Variants in CFAP99 observed in about 807,000 individuals in gnomAD.
CFAP99 encodes cilia- and flagella-associated protein 99.
CFAP99 carries 84 observed loss-of-function variants against 82.7 expected under a neutral mutation model. The observed-to-expected ratio is 1.02, with a 90% CI of 0.85 to 1.22. The LOEUF is 1.22. Ranked by LOEUF, CFAP99 falls within the 50% of genes most tolerant of loss-of-function variation. The probability of loss-of-function intolerance (pLI) is 0.00; values close to 1 mark genes in which losing one functional copy is unlikely to be tolerated. For synonymous variants in CFAP99, 456 were observed against 429.5 expected (o/e 1.06, Z -0.76); for missense variants, 1,059 against 983.5 (o/e 1.08, Z -1.03).
intron 1 of CFAP99, among the ~76,000 whole-genome samples, chr4:2,425,478 T>G (rs34474171): frequency 0.12 from 18,598 of 152,098 alleles, 1,237 homozygotes; most frequent in Non-Finnish European, 0.15. Flanking sequence ...GTCTGGGGAC[T>G]GCTACCTGGG....
intron 6 of CFAP99, among the ~76,000 whole-genome samples, chr4:2,447,920 A>G (rs77971898): frequency 4.6e-4 from 41 of 89,892 alleles, no homozygotes; most frequent in Middle Eastern, 6.3e-3. Flanking sequence ...TGGGTGAATG[A>G]ATGGATGGGT....
intron 3 of CFAP99, 61 bp downstream of exon 3, chr4:2,437,079 G>A (rs547069107): frequency 1.2e-4 from 188 of 1,525,328 alleles, no homozygotes; most frequent in African/African-American, 1.5e-4. Context: ...GGCTCTCTGC[G>A]GAAAGGCCTG....
At chr4:2,430,660 A>C (rs746552069) in intron 2 of CFAP99, among the ~76,000 whole-genome samples, 6 of 152,270 alleles carry the variant, frequency 3.9e-5, no homozygotes, top group Non-Finnish European at 8.8e-5. Flanking sequence ...GTACTAAGCC[A>C]GGCATGGTGG....
At chr4:2,438,215 C>A in intron 4 of CFAP99, 51 bp downstream of exon 4, 1 of 1,029,860 alleles carries the variant, frequency 9.7e-7, no homozygotes, top group South Asian at 1.4e-5. Context: ...GGGTGAGGTC[C>A]GTCTGATCCT....
At chr4:2,442,656 T>G (rs1734071032) in intron 4 of CFAP99, among the ~76,000 whole-genome samples, 1 of 151,822 alleles carries the variant, frequency 6.6e-6, no homozygotes, top group South Asian at 2.1e-4. Context: ...CGGCTCCCCA[T>G]CCAACTGGCT....
At chr4:2,447,814 AT>A (rs1734203563) in intron 6 of CFAP99, among the ~76,000 whole-genome samples, 1 of 64,574 alleles carries the variant, frequency 1.5e-5, no homozygotes. Flanking sequence ...GAATTAATGG[AT>A]GGATGGGTGG....
At position 2,462,526 on chromosome 4, in the gene CFAP99, C is replaced by G; in HGVS notation, c.1745C>G (p.Ser582Trp). The G allele has an allele frequency of 6.8e-7, 1 of 1,474,724 alleles. No homozygotes were observed. The highest frequency in any genetic ancestry group is 8.9e-7 in the Non-Finnish European group (1 of 1,121,330). The allele number at this position is 1,474,724 out of a possible 1,614,324, so 91.4% of individuals were successfully genotyped here. The change falls in exon 15 of 15, where the codon TCG (serine) becomes TGG (tryptophan). Residue 582 changes from serine (S) to tryptophan (W), a missense_variant. Physicochemically the swap from Ser to Trp is radical, Grantham distance 177. Coordinates refer to ENST00000635017, the Ensembl canonical transcript of CFAP99. The surrounding 1 kb of genome is among the most constrained non-coding windows in gnomAD (Gnocchi z 4.1). ...GTGCAGCAGCTGCGGCGCAGGATCT[C>G]GGAGAGGGCGGCCGAGCGCAGCAGG...
rs369718810 is a variant in CFAP99, at chr4:2,446,529, A to T, written c.642+1221A>T. ...TGCCTCAGCCCCCCGAGTAGCTGGG[A>T]TTACAGGTACCGGCCACCACACCCG... On this transcript the variant is annotated intron_variant, in intron 6 of 14. Coordinates refer to ENST00000635017, the Ensembl canonical transcript of CFAP99. The surrounding 1 kb of genome is among the most constrained non-coding windows in gnomAD (Gnocchi z 5.0). Among the ~76,000 whole-genome samples the T allele has an allele frequency of 3.3e-5, 5 of 152,206 alleles. No homozygotes were observed. The highest frequency in any genetic ancestry group is 1.2e-4 in the African/African-American group (5 of 41,534).
intron 4 of CFAP99, among the ~76,000 whole-genome samples, chr4:2,442,339 T>C (rs1390156721): frequency 1.4e-5 from 2 of 142,698 alleles, no homozygotes; most frequent in Non-Finnish European, 3.1e-5. Flanking sequence ...GCAGCTGAAA[T>C]GGGAAGGGGT....
intron 1 of CFAP99, 98 bp from the exon 2 acceptor site, chr4:2,426,361 A>G (rs2108709416): frequency 4.0e-6 from 3 of 744,672 alleles, no homozygotes; most frequent in Non-Finnish European, 6.8e-6. Context: ...TCCTGCTGCT[A>G]CAGGCCCAAC....
At chr4:2,461,721 T>A (rs1329368499) in intron 14 of CFAP99, among the ~76,000 whole-genome samples, 3 of 151,170 alleles carry the variant, frequency 2.0e-5, no homozygotes, top group Non-Finnish European at 2.9e-5. Context: ...CAGACAAGAG[T>A]GGTGGAGACA....
At position 2,450,040 on chromosome 4, in the gene CFAP99, G is replaced by A. The variant is rs1397083868; in HGVS notation, c.795+35G>A. The A allele has an allele frequency of 2.6e-6, 4 of 1,530,052 alleles. No homozygotes were observed. The Admixed American group carries it at 5.9e-5, about 23-fold the overall frequency. The allele number at this position is 1,530,052 out of a possible 1,614,324, so 94.8% of individuals were successfully genotyped here. A position where few individuals can be genotyped will look rare whatever the true frequency, so the allele number is the denominator to read the frequency against. The stretch of plus-strand genomic sequence containing the variant: ...AGCTCTCTCAAGACCCATCATCGAG[G>A]TGCCATCTTCTCAAGCCATCAGAAA... On this transcript the variant is annotated intron_variant, in intron 8 of 14. Coordinates refer to ENST00000635017, the Ensembl canonical transcript of CFAP99.
intron 1 of CFAP99, among the ~76,000 whole-genome samples, chr4:2,425,013 C>G (rs1733655959): frequency 6.6e-6 from 1 of 152,168 alleles, no homozygotes; most frequent in Non-Finnish European, 1.5e-5. Context: ...GCGTTTTCCC[C>G]TACTTTCTAT....
At position 2,449,579 on chromosome 4, in the gene CFAP99, C is replaced by A. The variant is rs1250047025; in HGVS notation, c.643-91C>A. The A allele has an allele frequency of 2.5e-6, 3 of 1,181,070 alleles. No homozygotes were observed. In the East Asian group the frequency reaches 7.7e-5, roughly 30 times the overall value. The allele number at this position is 1,181,070 out of a possible 1,614,324, so 73.2% of individuals were successfully genotyped here. ...GGCCGCCACCACCCTCCCCTTCACCCACATCCACCAAGCTGTCAGCCCTGG... is the reference window on the plus strand; with the variant it reads ...GGCCGCCACCACCCTCCCCTTCACCAACATCCACCAAGCTGTCAGCCCTGG... On this transcript the variant is annotated intron_variant, in intron 6 of 14. Transcript: ENST00000635017.
At chr4:2,451,092 G>C in intron 9 of CFAP99, 74 bp downstream of exon 9, 1 of 1,487,606 alleles carries the variant, frequency 6.7e-7, no homozygotes, top group Non-Finnish European at 9.1e-7. Flanking sequence ...TGCCCGTAGA[G>C]GCTCAGATGA....
At position 2,448,408 on chromosome 4, in the gene CFAP99, G is replaced by A. The variant is rs114377579; in HGVS notation, c.643-1262G>A. 3.3e-5 allele frequency among the ~76,000 whole-genome samples: 5 copies of A among 152,288 alleles called. No individual in the cohort carries two copies. Among genetic ancestry groups the A allele is most frequent in the Non-Finnish European group, 7.4e-5 (5 of 68,018 alleles). On this transcript the variant is annotated intron_variant, in intron 6 of 14. Transcript: ENST00000635017. The surrounding 1 kb of genome is among the most constrained non-coding windows in gnomAD (Gnocchi z 5.2). ...TTCTCTGCATCCACAGGGTGGCTGT[G>A]CTGAAACTATCCTCTACCCTCCCTG...
At position 2,462,476 on chromosome 4, in the gene CFAP99, G is replaced by C; in HGVS notation, c.1695G>C (p.Pro565=). ...AAAAGAAGGCCCTTGCGGCGGCCCC[G>C]GCGGCGCCCTCGCAGGACGAGCGCG... Residue 565 remains proline (P), a synonymous_variant, in exon 15 of 15, where the codon CCG becomes CCC. Coordinates refer to ENST00000635017, the Ensembl canonical transcript of CFAP99. The surrounding 1 kb of genome is among the most constrained non-coding windows in gnomAD (Gnocchi z 4.1). The C allele has an allele frequency of 9.5e-6, 14 of 1,470,976 alleles. No individual in the cohort carries two copies. Among genetic ancestry groups the C allele is most frequent in the Non-Finnish European group, 1.2e-5 (14 of 1,121,108 alleles). 91.1% of individuals were successfully genotyped at this position (1,470,976 alleles called of 1,614,324 possible). A position where few individuals can be genotyped will look rare whatever the true frequency, so the allele number is the denominator to read the frequency against.
rs183981959 is a variant in CFAP99, at chr4:2,424,294, A to G, written c.-17-2165A>G. Among the ~76,000 whole-genome samples the G allele has an allele frequency of 4.7e-3, 712 of 152,312 alleles. 2 individuals are homozygous for G. Among genetic ancestry groups the G allele is most frequent in the Non-Finnish European group, 7.3e-3 (494 of 68,034 alleles). On this transcript the variant is annotated intron_variant, in intron 1 of 14. Coordinates refer to ENST00000635017, the Ensembl canonical transcript of CFAP99. ...AAATTAGCCACATGGTGGCTATACA[A>G]AAATACAAAAAATAGCCACATGGTG... is the stretch of plus-strand genomic sequence containing the variant.
Position 2,447,797 on chromosome 4 carries a change from G to A in CFAP99, c.643-1873G>A, listed in dbSNP as rs187230729. ...GATTAGATGGATGAAAAGATGAGTG[G>A]GTAGGTGAATTAATGGATGGATGGG... On this transcript the variant is annotated intron_variant, in intron 6 of 14. Transcript: ENST00000635017. Among the ~76,000 whole-genome samples the A allele has an allele frequency of 6.0e-4, 84 of 139,328 alleles. 1 individual carries two copies. Among genetic ancestry groups the A allele is most frequent in the Non-Finnish European group, 5.7e-4 (37 of 64,706 alleles). The allele number at this position is 139,328 out of a possible 152,430, so 91.4% of individuals were successfully genotyped here.
Sources: allele counts gnomAD v4.1 joint callset (sites outside exome capture counted in the v4.1 genomes callset), GRCh38; gene constraint gnomAD v4.1.1; non-coding constraint Gnocchi (gnomAD v3.1); transcripts MANE v1.5; gene names NCBI Gene and HGNC (gene_info 2026-07-23, HGNC 2026-07-21).